Variants in CEP192 observed in about 807,000 individuals in gnomAD.
CEP192 encodes centrosomal protein of 192 kDa.
CEP192 carries 151 observed loss-of-function variants against 271.8 expected under a neutral mutation model. The observed-to-expected ratio is 0.56, with a 90% confidence interval of 0.49 to 0.64. The LOEUF is 0.64. CEP192 is among the 30% of genes least tolerant of loss of function. CEP192 has a pLI of 0.00. For synonymous variants in CEP192, 995 were observed against 1,076.5 expected, an observed-to-expected ratio of 0.92 and a Z score of 1.48; for missense variants, 2,910 against 3,020.5, an observed-to-expected ratio of 0.96 and a Z score of 0.86.
chr18:13,037,242 G>A lies in CEP192; in HGVS notation c.1540G>A (p.Ala514Thr). 7.9e-7 allele frequency: 1 copy of A among 1,273,516 alleles called. No individual in the cohort carries two copies. Among genetic ancestry groups the A allele is most frequent in the Non-Finnish European group, 1.1e-6 (1 of 896,536 alleles). The allele number at this position is 1,273,516 out of a possible 1,614,324, so 78.9% of individuals were successfully genotyped here. Residue 514 changes from alanine (A) to threonine (T), a missense_variant, in exon 12 of 45, where the codon GCA (alanine) becomes ACA (threonine). Ala to Thr is a moderately conservative substitution (Grantham distance 58, BLOSUM62 0). Coordinates refer to ENST00000506447, the MANE Select transcript of CEP192 (RefSeq NM_032142.4). ...TATAAACATTCTTTTTTAAGCTGAA[G>A]CATTTGATTTGATTGCACAAGATGA... Reference protein sequence around the residue: ...MNEDFRSGSEAFDLIAQDEEE... With the variant: ...MNEDFRSGSETFDLIAQDEEE...
At chr18:13,008,205 C>T (rs2034098898) in intron 3 of CEP192, among the ~76,000 whole-genome samples, 1 of 151,088 alleles carries the variant, frequency 6.6e-6, no homozygotes, top group African/African-American at 2.5e-5. Flanking sequence ...CTTTTTGCTG[C>T]TTGAAAGAGT....
intron 13 of CEP192, 139 bp from the exon 14 acceptor site, chr18:13,040,691 C>G: frequency 1.7e-6 from 1 of 580,520 alleles, no homozygotes; most frequent in South Asian, 2.7e-5. Context: ...TGAAGGTCAT[C>G]TCTAGTAATT....
In CEP192 at chr18:13,105,018, C is replaced by T. The variant is rs777002683; in HGVS notation, c.6986C>T (p.Thr2329Ile). The T allele has an allele frequency of 6.2e-7, 1 of 1,613,970 alleles. No homozygotes were observed. The highest frequency in any genetic ancestry group is 1.7e-5 in the Admixed American group (1 of 60,010). ...VDESGDVFRA[T>I]YAAFRCSPIS... ...GAAAGTGGAGATGTTTTTAGAGCTA[C>T]CTATGCAGCATTCAGATGTTCTCCT... Residue 2329 changes from threonine to isoleucine, a missense_variant, in exon 40 of 45, where the codon ACC becomes ATC. Thr to Ile is a moderately conservative substitution (Grantham distance 89, BLOSUM62 -1). Coordinates refer to ENST00000506447, the MANE Select transcript of CEP192 (RefSeq NM_032142.4).
At chr18:13,015,479 C>T (rs2034590187) in intron 6 of CEP192, 31 bp downstream of exon 6, 2 of 1,546,292 alleles carry the variant, frequency 1.3e-6, no homozygotes, top group Admixed American at 2.0e-5. Context: ...TTTCCCTGGT[C>T]TTCACCTTGC....
intron 19 of CEP192, 126 bp downstream of exon 19, chr18:13,056,824 A>T: frequency 1.2e-6 from 1 of 802,458 alleles, no homozygotes; most frequent in East Asian, 2.5e-5. Flanking sequence ...TTCTTCCTAA[A>T]CTGAGAACAC....
Position 13,015,329 on chromosome 18 carries a change from T to C in CEP192, c.521T>C (p.Ile174Thr). The C allele has an allele frequency of 6.4e-7, 1 of 1,550,786 alleles. No individual in the cohort carries two copies. Among genetic ancestry groups the C allele is most frequent in the African/African-American group, 1.4e-5 (1 of 73,090 alleles). ...QSWMNNKEPK[I>T]VVLDAGKHFE... ...TACTTGCCATTTTGTTTCTTATAGATTGTTGTGCTTGATGCTGGAAAACAT... is the reference window on the plus strand; with the variant it reads ...TACTTGCCATTTTGTTTCTTATAGACTGTTGTGCTTGATGCTGGAAAACAT... The change falls in exon 6 of 45, where the codon ATT (isoleucine) becomes ACT (threonine). Residue 174 changes from isoleucine to threonine, a missense_variant and splice_region_variant. Ile to Thr is a moderately conservative substitution (Grantham distance 89). Transcript: ENST00000506447.
chr18:13,032,464 C>G (rs2035685853), intron 11 of CEP192, among the ~76,000 whole-genome samples: 1 of 152,060 alleles, frequency 6.6e-6, no homozygotes, highest in South Asian at 2.1e-4. Context: ...ATATCTTGAT[C>G]TAAAAATGAT....
At chr18:12,995,002 G>C (rs1306007215) in intron 1 of CEP192, among the ~76,000 whole-genome samples, 1 of 150,588 alleles carries the variant, frequency 6.6e-6, no homozygotes, top group East Asian at 2.0e-4. Flanking sequence ...ACATGCAAAT[G>C]AAAAATCAGG....
At chr18:13,077,994 G>C (rs988227542) in intron 30 of CEP192, among the ~76,000 whole-genome samples, 1 of 152,028 alleles carries the variant, frequency 6.6e-6, no homozygotes, top group Non-Finnish European at 1.5e-5. Flanking sequence ...GTACAGGTTT[G>C]TTACACAGGT....
intron 6 of CEP192, among the ~76,000 whole-genome samples, chr18:13,016,468 A>G (rs2034652026): frequency 6.6e-6 from 1 of 152,198 alleles, no homozygotes; most frequent in Non-Finnish European, 1.5e-5. Context: ...AGTGAGCATC[A>G]CATCCATGGA....
Position 13,048,766 on chromosome 18 carries a change from TTTTGAAACGCATC to T in CEP192, c.2068-91_2068-79del, listed in dbSNP as rs531800505. The stretch of plus-strand genomic sequence containing the variant: ...GAGGTTTCAGGTATCCACTTGGAGG[TTTTGAAACGCATC>T]TCCCAATGATAATGGGGGACTAATG... On this transcript the variant is annotated intron_variant, in intron 15 of 44. Transcript: ENST00000506447. 60 of 820,598 alleles carry T rather than the reference TTTTGAAACGCATC, an allele frequency of 7.3e-5. No individual in the cohort carries two copies. In the South Asian group the frequency reaches 1.1e-3, roughly 14 times the overall value. The allele number at this position is 820,598 out of a possible 1,614,324, so 50.8% of individuals were successfully genotyped here. A position where few individuals can be genotyped will look rare whatever the true frequency, so the allele number is the denominator to read the frequency against.
In CEP192 at chr18:13,044,909, AATGCCTTTACTTGCAG is replaced by A. The variant is rs2036394702; in HGVS notation, c.2067+2578_2067+2593del. Among the ~76,000 whole-genome samples, 4 of 152,258 alleles carry A rather than the reference AATGCCTTTACTTGCAG, an allele frequency of 2.6e-5. No individual in the cohort carries two copies. The South Asian group carries it at 8.3e-4, about 32-fold the overall frequency. On this transcript the variant is annotated intron_variant, in intron 15 of 44. Coordinates refer to ENST00000506447, the MANE Select transcript of CEP192 (RefSeq NM_032142.4). The stretch of plus-strand genomic sequence containing the variant: ...CCTGAGTCTGGTATATTCTTTATCT[AATGCCTTTACTTGCAG>A]ATTCAATTTCTTTAATAGTTGTAGT...
intron 21 of CEP192, among the ~76,000 whole-genome samples, chr18:13,067,393 T>C (rs964001754): frequency 5.3e-5 from 8 of 152,158 alleles, no homozygotes; most frequent in African/African-American, 9.7e-5. Context: ...GAGTCTGTCA[T>C]GATCATAGGC....
intron 40 of CEP192, among the ~76,000 whole-genome samples, chr18:13,105,552 A>G (rs1167511095): frequency 6.6e-6 from 1 of 152,240 alleles, no homozygotes; most frequent in Non-Finnish European, 1.5e-5. Flanking sequence ...CCTCAGCAAT[A>G]TACTTTTTCA....
At chr18:13,098,384 G>A (rs1041486920) in intron 36 of CEP192, among the ~76,000 whole-genome samples, 2 of 151,100 alleles carry the variant, frequency 1.3e-5, no homozygotes, top group South Asian at 2.1e-4. Flanking sequence ...CTTCCCAGAC[G>A]GGGCGGCTGC....
intron 38 of CEP192, among the ~76,000 whole-genome samples, chr18:13,101,854 C>T (rs1418680200): frequency 6.6e-6 from 1 of 152,180 alleles, no homozygotes; most frequent in Non-Finnish European, 1.5e-5. Flanking sequence ...TCCCAGCCCG[C>T]CCATGCCCCT....
At chr18:13,016,647 T>A (rs1356852946) in intron 6 of CEP192, among the ~76,000 whole-genome samples, 1 of 152,162 alleles carries the variant, frequency 6.6e-6, no homozygotes, top group East Asian at 1.9e-4. Context: ...ACTCTTAATG[T>A]TGATTGCAAA....
Position 13,049,778 on chromosome 18 carries a change from C to T in CEP192, c.2904C>T (p.Thr968=). ...CCTTTCTGATAGATTTGAAAAATAC[C>T]TCTCCTGAGCATGGTGGACGTGGCT... The part of the protein sequence containing the change: ...VSPKNSDLKN[T]SPEHGGRGSE... The change falls in exon 17 of 45, where the codon ACC becomes ACT. Residue 968 remains threonine, a synonymous_variant. Transcript: ENST00000506447. The T allele has an allele frequency of 1.2e-6, 2 of 1,612,080 alleles. No homozygotes were observed. Among genetic ancestry groups the T allele is most frequent in the South Asian group, 1.1e-5 (1 of 90,558 alleles).
intron 4 of CEP192, among the ~76,000 whole-genome samples, chr18:13,011,254 CAG>C (rs2034340112): frequency 6.7e-6 from 1 of 148,690 alleles, no homozygotes; most frequent in Non-Finnish European, 1.5e-5. Context: ...ACAATAAAAA[CAG>C]AACCACAATG....
Sources: allele counts gnomAD v4.1 joint callset (sites outside exome capture counted in the v4.1 genomes callset), GRCh38; gene constraint gnomAD v4.1.1; transcripts MANE v1.5; gene names NCBI Gene and HGNC (gene_info 2026-07-23, HGNC 2026-07-21).